The following CLIP2 variants were observed in gnomAD, a reference collection of about 807,000 sequenced individuals.
CLIP2 encodes the protein CAP-Gly domain containing linker protein 2.
CLIP2 carries 41 observed loss-of-function variants against 111.7 expected under a neutral mutation model. That is an observed-to-expected ratio of 0.37 (90% CI 0.29 to 0.48). The LOEUF is 0.48. Ranked by LOEUF, CLIP2 falls within the 20% of genes least tolerant of loss-of-function variation. The pLI, the probability that CLIP2 is intolerant of heterozygous loss-of-function variation, is 0.99. For synonymous variants in CLIP2, 660 were observed against 644.2 expected, an observed-to-expected ratio of 1.02 and a Z score of -0.37; for missense variants, 1,160 against 1,422.1, an observed-to-expected ratio of 0.82 and a Z score of 2.96.
At chr7:74,307,400 C>T (rs1196581318) in intron 1 of CLIP2, among the ~76,000 whole-genome samples, 1 of 152,246 alleles carries the variant, frequency 6.6e-6, no homozygotes, top group East Asian at 1.9e-4. Flanking sequence ...TCGGGAAGCT[C>T]CACCTGTCAG....
intron 8 of CLIP2, among the ~76,000 whole-genome samples, chr7:74,367,721 C>T (rs115064223): frequency 0.01 from 1,556 of 152,274 alleles, 26 homozygotes; most frequent in African/African-American, 0.036. Flanking sequence ...CTAACCACAT[C>T]TATCCAGGCC....
At chr7:74,354,696 G>A (rs1790099438) in intron 4 of CLIP2, among the ~76,000 whole-genome samples, 2 of 152,090 alleles carry the variant, frequency 1.3e-5, no homozygotes, top group East Asian at 1.9e-4. Flanking sequence ...GCTGGAACCC[G>A]GGAGGCGAAG....
chr7:74,334,756 G>A (rs1554731825), intron 2 of CLIP2, among the ~76,000 whole-genome samples: 1 of 151,430 alleles, frequency 6.6e-6, no homozygotes, highest in African/African-American at 2.4e-5. Flanking sequence ...AAGGCAGGAG[G>A]GTCACTTGAG....
At chr7:74,335,786 A>T (rs1554732022) in intron 2 of CLIP2, among the ~76,000 whole-genome samples, 1 of 141,474 alleles carries the variant, frequency 7.1e-6, no homozygotes, top group African/African-American at 2.7e-5. Context: ...TCTGTCGCCC[A>T]GGCTAGAGTG....
At chr7:74,350,164 A>G (rs1554307234) in intron 3 of CLIP2, among the ~76,000 whole-genome samples, 7 of 151,618 alleles carry the variant, frequency 4.6e-5, no homozygotes, top group Non-Finnish European at 8.8e-5. Context: ...AGCGATTCTC[A>G]TCTCAGCCTC....
intron 3 of CLIP2, among the ~76,000 whole-genome samples, chr7:74,353,502 T>C (rs568022431): frequency 6.6e-6 from 1 of 152,226 alleles, no homozygotes; most frequent in South Asian, 2.1e-4. Flanking sequence ...CTGCCCACCT[T>C]GGCCTCCCAA....
At chr7:74,387,680 G>T (rs1791153524) in intron 12 of CLIP2, among the ~76,000 whole-genome samples, 1 of 152,216 alleles carries the variant, frequency 6.6e-6, no homozygotes, top group Admixed American at 6.6e-5. Flanking sequence ...CCCAAAAAAG[G>T]TCAGTGGACC....
chr7:74,372,782 T>G (rs1187154539), intron 8 of CLIP2, 150 bp from the exon 9 acceptor site: 3 of 598,762 alleles, frequency 5.0e-6, no homozygotes, highest in Non-Finnish European at 8.8e-6. Context: ...TTCTGGCTCA[T>G]GAATCTACTC....
chr7:74,346,496 G>C (rs957354767), intron 3 of CLIP2, among the ~76,000 whole-genome samples: 2 of 151,984 alleles, frequency 1.3e-5, no homozygotes, highest in Non-Finnish European at 2.9e-5. Context: ...GCCAAGGTGG[G>C]TGAATCACTT....
chr7:74,334,081 A>G (rs1789378058), intron 2 of CLIP2, among the ~76,000 whole-genome samples: 1 of 152,168 alleles, frequency 6.6e-6, no homozygotes, highest in South Asian at 2.1e-4. Context: ...TTGTTATGTC[A>G]TGGAGAAACT....
intron 8 of CLIP2, among the ~76,000 whole-genome samples, chr7:74,368,190 G>A (rs1790511219): frequency 6.6e-6 from 1 of 152,070 alleles, no homozygotes; most frequent in South Asian, 2.1e-4. Flanking sequence ...TCCAGCCTGG[G>A]CAACAAAGCA....
chr7:74,303,867 G>A lies in CLIP2; in HGVS notation c.-67-13613G>A, dbSNP rs555469192. ...GCGGAGGTTGCAGTGAGCTGAGATC[G>A]TGCCACTGCACTCCAGAATGGGTGA... On this transcript the variant is annotated intron_variant, in intron 1 of 16. Coordinates refer to ENST00000223398, the MANE Select transcript of CLIP2 (RefSeq NM_003388.5). 1.0e-3 allele frequency among the ~76,000 whole-genome samples: 151 copies of A among 149,272 alleles called. 1 individual carries two copies. Among genetic ancestry groups the A allele is most frequent in the African/African-American group, 3.0e-3 (121 of 40,396 alleles).
intron 1 of CLIP2, among the ~76,000 whole-genome samples, chr7:74,292,233 C>T (rs1007728882): frequency 2.6e-5 from 4 of 151,872 alleles, no homozygotes; most frequent in Admixed American, 2.6e-4. Context: ...GTTCTGCCCT[C>T]TTGACACCAC....
intron 2 of CLIP2, among the ~76,000 whole-genome samples, chr7:74,323,349 C>T (rs945286717): frequency 1.3e-5 from 2 of 151,580 alleles, no homozygotes; most frequent in African/African-American, 4.8e-5. Context: ...TGGGCTCAAG[C>T]GATCCTCCCA....
chr7:74,349,468 G>GTATATATATA (rs1385137051), intron 3 of CLIP2, among the ~76,000 whole-genome samples: 12 of 61,778 alleles, frequency 1.9e-4, no homozygotes, highest in Admixed American at 4.7e-4. Flanking sequence ...GTGTGTGTGT[G>GTATATATATA]TGTATATATA....
intron 10 of CLIP2, among the ~76,000 whole-genome samples, chr7:74,379,551 T>G (rs1234277043): frequency 6.6e-6 from 1 of 151,980 alleles, no homozygotes; most frequent in Non-Finnish European, 1.5e-5. Context: ...TCACCTGAGG[T>G]CAGGAGTTTG....
chr7:74,387,806 C>T (rs370840329), intron 12 of CLIP2, among the ~76,000 whole-genome samples: 25 of 152,142 alleles, frequency 1.6e-4, no homozygotes, highest in Non-Finnish European at 2.8e-4. Flanking sequence ...CTGTGCTTGG[C>T]GAGGATTGAT....
At chr7:74,301,540 G>T (rs1226626344) in intron 1 of CLIP2, among the ~76,000 whole-genome samples, 2 of 135,100 alleles carry the variant, frequency 1.5e-5, no homozygotes, top group African/African-American at 2.6e-5. Context: ...CCGCCACAAT[G>T]CCCGGCTAAT....
chr7:74,299,613 G>T (rs1788269390), intron 1 of CLIP2, among the ~76,000 whole-genome samples: 1 of 152,190 alleles, frequency 6.6e-6, no homozygotes, highest in South Asian at 2.1e-4. Flanking sequence ...GAACCTCAGT[G>T]GGCTCAGCCT....
Sources: gnomAD v4.1 joint callset for allele counts (sites outside exome capture counted in the v4.1 genomes callset) on GRCh38, gnomAD v4.1.1 for gene constraint, MANE v1.5 for transcripts, NCBI Gene and HGNC (gene_info 2026-07-23, HGNC 2026-07-21) for gene names.